TAAR2: variants seen among roughly 807,000 people sequenced by gnomAD.
The protein encoded by TAAR2 is trace amine associated receptor 2.
In TAAR2, 30 loss-of-function variants were observed where a neutral mutation model predicts 25.5. The observed-to-expected ratio is 1.18, with a 90% CI of 0.88 to 1.60. TAAR2 has a LOEUF of 1.60. TAAR2 is among the 40% of genes most tolerant of loss of function. The pLI is 0.00. For synonymous variants in TAAR2, 150 were observed against 142.4 expected (o/e 1.05, Z -0.38); for missense variants, 481 against 416.5 (o/e 1.15, Z -1.35).
rs868232681 is a variant in TAAR2 at position 132,617,350 on chromosome 6, G to T, written c.856C>A (p.Pro286Thr). The change falls in exon 2 of 2, where the codon CCC (proline) becomes ACC (threonine). Residue 286 changes from proline (P) to threonine (T), a missense_variant. Pro to Thr is a conservative substitution (Grantham distance 38). Transcript: ENST00000367931. ...FPCFFTILLD[P>T]FLNFSTPVVL... is the part of the protein sequence containing the mutation. ...ACAGGAGTAGAGAAGTTCAAAAAGGGATCCAATAAAATTGTGAAGAAACAA... is the reference window on the plus strand; with the variant it reads ...ACAGGAGTAGAGAAGTTCAAAAAGGTATCCAATAAAATTGTGAAGAAACAA... The T allele has an allele frequency of 6.2e-7, 1 of 1,613,408 alleles. No homozygotes were observed. Among genetic ancestry groups the T allele is most frequent in the East Asian group, 2.2e-5 (1 of 44,748 alleles).
intron 1 of TAAR2, among the ~76,000 whole-genome samples, chr6:132,619,951 C>G (rs1777352344): frequency 6.6e-6 from 1 of 152,062 alleles, no homozygotes; most frequent in Non-Finnish European, 1.5e-5. Context: ...TCAGGGACCC[C>G]TAAAACACCG....
rs771371712 is a variant in TAAR2 at position 132,618,125 on chromosome 6, T to C, written c.81A>G (p.Glu27=). 2 of 1,581,602 alleles carry C rather than the reference T, an allele frequency of 1.3e-6. No homozygotes were observed. The highest frequency in any genetic ancestry group is 1.7e-6 in the Non-Finnish European group (2 of 1,166,412). ...QTKKEKFNCS[E]YGNRSCPENE... ...TTTCTGGGCAAGATCTATTTCCATA[T>C]TCAGAGCAATTGAATTTTTCCTTCA... The change falls in exon 2 of 2, where the codon GAA becomes GAG. Residue 27 remains glutamate, a synonymous_variant. Coordinates refer to ENST00000367931, the MANE Select transcript of TAAR2 (RefSeq NM_001033080.1).
At chr6:132,621,429 T>C (rs2114612696) in intron 1 of TAAR2, among the ~76,000 whole-genome samples, 1 of 152,030 alleles carries the variant, frequency 6.6e-6, no homozygotes, top group East Asian at 1.9e-4. Flanking sequence ...CCCCACCCCC[T>C]GACAAGCCCT....
intron 1 of TAAR2, among the ~76,000 whole-genome samples, chr6:132,622,728 C>T (rs1031125120): frequency 6.6e-6 from 1 of 152,026 alleles, no homozygotes; most frequent in African/African-American, 2.4e-5. Flanking sequence ...TCATCATTCG[C>T]CCACCTTGGC....
At chr6:132,622,082 C>T (rs1179817506) in intron 1 of TAAR2, among the ~76,000 whole-genome samples, 2 of 151,870 alleles carry the variant, frequency 1.3e-5, no homozygotes, top group African/African-American at 4.8e-5. Flanking sequence ...ACATGGATTG[C>T]CATAGAGTTA....
At chr6:132,620,885 CA>C (rs1186589488) in intron 1 of TAAR2, among the ~76,000 whole-genome samples, 3 of 123,866 alleles carry the variant, frequency 2.4e-5, no homozygotes, top group African/African-American at 3.3e-5. Context: ...TTGTCACACA[CA>C]AAAAAAAAGA....
intron 1 of TAAR2, among the ~76,000 whole-genome samples, chr6:132,619,878 A>T (rs1777351887): frequency 6.6e-6 from 1 of 152,220 alleles, no homozygotes; most frequent in Admixed American, 6.5e-5. Context: ...TGTTCTACAC[A>T]GAAGGTATGA....
Position 132,617,333 on chromosome 6 carries a change from A to G in TAAR2, c.873T>C (p.Ser291=). The change falls in exon 2 of 2, where the codon TCT becomes TCC. Residue 291 remains serine, a synonymous_variant. Transcript: ENST00000367931. ...AGGCATCAAACAAAACTACAGGAGT[A>G]GAGAAGTTCAAAAAGGGATCCAATA... is the stretch of plus-strand genomic sequence containing the variant. ...TILLDPFLNF[S]TPVVLFDALT... The G allele has an allele frequency of 6.2e-7, 1 of 1,613,720 alleles. No individual in the cohort carries two copies. Among genetic ancestry groups the G allele is most frequent in the Non-Finnish European group, 8.5e-7 (1 of 1,179,876 alleles).
chr6:132,618,530 C>G (rs576892742), intron 1 of TAAR2, among the ~76,000 whole-genome samples: 1 of 152,032 alleles, frequency 6.6e-6, no homozygotes, highest in Non-Finnish European at 1.5e-5. Flanking sequence ...ATCCCAGCTA[C>G]TCGGGAGGCT....
chr6:132,622,478 CTTTTTTTTTTT>C (rs1156767001), intron 1 of TAAR2, among the ~76,000 whole-genome samples: 2 of 57,400 alleles, frequency 3.5e-5, no homozygotes, highest in East Asian at 5.8e-4. Context: ...TTAGTAACCA[CTTTTTTTTTTT>C]TTTTTTTTTT....
At position 132,617,699 on chromosome 6, in the gene TAAR2, C is replaced by T. The variant is rs147231065; in HGVS notation, c.507G>A (p.Ser169=). The change falls in exon 2 of 2, where the codon TCG becomes TCA. Residue 169 remains serine, a synonymous_variant. Coordinates refer to ENST00000367931, the MANE Select transcript of TAAR2 (RefSeq NM_001033080.1). The part of the protein sequence containing the change: ...VIKRLLLLCW[S]VPGAFAFGVV... ...CCCCGAAGGCAAATGCTCCAGGGAC[C>T]GACCAACATAGAAGTAGCAATCTTT... 114 of 1,613,836 alleles carry T rather than the reference C, an allele frequency of 7.1e-5. No homozygotes were observed. In the South Asian group the frequency reaches 7.9e-4, roughly 11 times the overall value.
intron 1 of TAAR2, among the ~76,000 whole-genome samples, chr6:132,622,478 C>CTAATT (rs1777387089): frequency 1.7e-5 from 1 of 57,378 alleles, no homozygotes; most frequent in Non-Finnish European, 2.9e-5. Flanking sequence ...TTAGTAACCA[C>CTAATT]TTTTTTTTTT....
intron 1 of TAAR2, among the ~76,000 whole-genome samples, chr6:132,618,848 A>C (rs1777336992): frequency 1.3e-5 from 2 of 152,202 alleles, no homozygotes; most frequent in South Asian, 4.1e-4. Context: ...ATCAGATTTG[A>C]TTTGATTGTG....
At chr6:132,619,002 T>C (rs79084987) in intron 1 of TAAR2, among the ~76,000 whole-genome samples, 2,810 of 152,290 alleles carry the variant, frequency 0.018, 66 homozygotes, top group East Asian at 0.071. Context: ...TCTAATTATC[T>C]GGTAGAGTCA....
Position 132,617,385 on chromosome 6 carries a change from C to G in TAAR2, c.821G>C (p.Cys274Ser). 1 of 1,613,734 alleles carries G rather than the reference C, an allele frequency of 6.2e-7. No homozygotes were observed. Among genetic ancestry groups the G allele is most frequent in the Non-Finnish European group, 8.5e-7 (1 of 1,179,868 alleles). ...LGIVIGVFLL[C>S]WFPCFFTILL... ...AATTGTGAAGAAACAAGGAAACCAACATAATAAGAAAACTCCTATCACTAT... is the reference window on the plus strand; with the variant it reads ...AATTGTGAAGAAACAAGGAAACCAAGATAATAAGAAAACTCCTATCACTAT... Residue 274 changes from cysteine (C) to serine (S), a missense_variant, in exon 2 of 2, where the codon TGT (cysteine) becomes TCT (serine). Transcript: ENST00000367931.
chr6:132,619,171 C>A (rs532811047), intron 1 of TAAR2, among the ~76,000 whole-genome samples: 2 of 152,140 alleles, frequency 1.3e-5, no homozygotes, highest in Non-Finnish European at 2.9e-5. Flanking sequence ...AGTTGCCATG[C>A]GTAGGCCACA....
intron 1 of TAAR2, 63 bp from the exon 2 acceptor site, chr6:132,618,208 C>T (rs117859207): frequency 0.02 from 28,282 of 1,425,384 alleles, 544 homozygotes; most frequent in East Asian, 0.09. Flanking sequence ...TTTATATATG[C>T]TTTCATAGAA....
chr6:132,621,708 T>C (rs1303199423), intron 1 of TAAR2, among the ~76,000 whole-genome samples: 1 of 152,164 alleles, frequency 6.6e-6, no homozygotes, highest in Non-Finnish European at 1.5e-5. Context: ...GTCAGAAACT[T>C]TAATTAGATA....
At chr6:132,620,965 C>T (rs1283970649) in intron 1 of TAAR2, among the ~76,000 whole-genome samples, 1 of 151,706 alleles carries the variant, frequency 6.6e-6, no homozygotes, top group East Asian at 1.9e-4. Context: ...AGCTACTTGT[C>T]ATTTCTTGTT....
Sources: allele counts gnomAD v4.1 joint callset (sites outside exome capture counted in the v4.1 genomes callset), GRCh38; gene constraint gnomAD v4.1.1; transcripts MANE v1.5; gene names NCBI Gene and HGNC (gene_info 2026-07-23, HGNC 2026-07-21).